Variants in NRXN1 observed in about 807,000 individuals in gnomAD.
NRXN1 encodes the protein neurexin 1.
A neutral mutation model predicts 150.9 loss-of-function variants in NRXN1; 39 were observed. That is an observed-to-expected ratio of 0.26 (90% confidence interval 0.20 to 0.34). The LOEUF (loss-of-function observed/expected upper bound fraction) is 0.34. NRXN1 is among the 10% of genes least tolerant of loss of function. NRXN1 has a pLI of 1.00. For synonymous variants in NRXN1, 924 were observed against 757.0 expected, an observed-to-expected ratio of 1.22 and a Z score of -3.62; for missense variants, 1,815 against 1,949.9, an observed-to-expected ratio of 0.93 and a Z score of 1.30.
chr2:50,376,240 G>GT (rs958842819), intron 17 of NRXN1, among the ~76,000 whole-genome samples: 19 of 152,046 alleles, frequency 1.2e-4, no homozygotes, highest in African/African-American at 4.6e-4. Flanking sequence ...TTCCTACCAT[G>GT]TAAGTCTGAA....
intron 19 of NRXN1, among the ~76,000 whole-genome samples, chr2:50,068,172 T>C (rs1190997317): frequency 6.7e-6 from 1 of 148,510 alleles, no homozygotes; most frequent in African/African-American, 2.6e-5. Flanking sequence ...GAATGCAAGA[T>C]TTTTTTTTCA....
intron 5 of NRXN1, among the ~76,000 whole-genome samples, chr2:50,628,992 G>A (rs1263748095): frequency 6.6e-6 from 1 of 151,676 alleles, no homozygotes; most frequent in Non-Finnish European, 1.5e-5. Flanking sequence ...AAAATCCAGT[G>A]TCAGTGAGGA....
intron 5 of NRXN1, among the ~76,000 whole-genome samples, chr2:50,645,287 A>C (rs745397743): frequency 6.6e-6 from 1 of 151,936 alleles, no homozygotes; most frequent in Non-Finnish European, 1.5e-5. Context: ...CACATCCCAG[A>C]AAATCAGTGT....
chr2:50,131,456 A>C (rs566593631), intron 18 of NRXN1, among the ~76,000 whole-genome samples: 10 of 152,142 alleles, frequency 6.6e-5, no homozygotes, highest in Non-Finnish European at 1.3e-4. Flanking sequence ...AACTAGTTAC[A>C]ATTTAGGAGG....
chr2:51,025,543 T>C (rs1383413312), intron 2 of NRXN1, among the ~76,000 whole-genome samples: 1 of 152,182 alleles, frequency 6.6e-6, no homozygotes, highest in Non-Finnish European at 1.5e-5. Context: ...TTTCCTAATT[T>C]AAGGAAGGAA....
chr2:50,231,045 T>A (rs545923154), intron 18 of NRXN1, among the ~76,000 whole-genome samples: 4 of 152,040 alleles, frequency 2.6e-5, no homozygotes, highest in African/African-American at 9.7e-5. Context: ...TACCTCGTGA[T>A]ACGGCAATAG....
chr2:50,836,896 C>T (rs1360681277), intron 5 of NRXN1, among the ~76,000 whole-genome samples: 1 of 144,618 alleles, frequency 6.9e-6, no homozygotes. Flanking sequence ...CAATAGAAAC[C>T]AATTGGTTTG....
At chr2:51,009,201 T>C (rs1309611578) in intron 2 of NRXN1, 1 of 151,892 alleles carries the variant, frequency 6.6e-6, no homozygotes, top group Non-Finnish European at 1.5e-5. Context: ...AAGCCTTTCA[T>C]CTCCATGCTT....
At chr2:50,171,826 G>A (rs1322829443) in intron 18 of NRXN1, among the ~76,000 whole-genome samples, 4 of 152,160 alleles carry the variant, frequency 2.6e-5, no homozygotes, top group Admixed American at 1.3e-4. Context: ...ACAAACAGGC[G>A]ACCACTGGTG....
chr2:49,999,810 C>A (rs1683606556), intron 21 of NRXN1, among the ~76,000 whole-genome samples: 1 of 152,046 alleles, frequency 6.6e-6, no homozygotes, highest in South Asian at 2.1e-4. Context: ...AACCTTATTT[C>A]AAGAAAGGGC....
rs756417391 is a variant in NRXN1, at chr2:50,497,692, A to G, written c.2520T>C (p.Thr840=). The G allele has an allele frequency of 5.0e-6, 8 of 1,611,174 alleles. No homozygotes were observed. The Admixed American group carries it at 5.0e-5, about 10-fold the overall frequency. Residue 840 remains threonine, a synonymous_variant, in exon 14 of 23, where the codon ACT becomes ACC. Transcript: ENST00000401669. ...AMTGQMAGDH[T]RLEFHNIETG... ...TCTCTATGTTATGGAACTCCAGCCT[A>G]GTATGATCACCTGCCATTTGACCTA...
intron 2 of NRXN1, among the ~76,000 whole-genome samples, chr2:50,928,316 T>C (rs1045907669): frequency 2.0e-5 from 3 of 152,010 alleles, no homozygotes; most frequent in African/African-American, 4.8e-5. Context: ...GGAGCAGACT[T>C]TCCTTGAGTT....
At chr2:50,115,025 T>C (rs1271207208) in intron 18 of NRXN1, among the ~76,000 whole-genome samples, 1 of 151,820 alleles carries the variant, frequency 6.6e-6, no homozygotes, top group Non-Finnish European at 1.5e-5. Context: ...GTGATAATGA[T>C]GCACCAATGT....
At chr2:50,943,753 A>T (rs543220752) in intron 2 of NRXN1, among the ~76,000 whole-genome samples, 2 of 151,782 alleles carry the variant, frequency 1.3e-5, no homozygotes, top group Non-Finnish European at 2.9e-5. Flanking sequence ...TCAGTCTTCC[A>T]CACAAAGGTA....
intron 5 of NRXN1, among the ~76,000 whole-genome samples, chr2:50,871,161 C>T (rs372800276): frequency 1.4e-4 from 22 of 151,844 alleles, no homozygotes; most frequent in African/African-American, 2.7e-4. Flanking sequence ...TAGAGATCTA[C>T]GGAATTTATC....
chr2:50,820,808 T>C (rs577312408), intron 5 of NRXN1, among the ~76,000 whole-genome samples: 35 of 152,250 alleles, frequency 2.3e-4, no homozygotes, highest in Non-Finnish European at 4.7e-4. Context: ...ACAGTGCCAA[T>C]TTCACTTGTC....
At chr2:50,970,694 C>T (rs1270143431) in intron 2 of NRXN1, among the ~76,000 whole-genome samples, 1 of 152,006 alleles carries the variant, frequency 6.6e-6, no homozygotes, top group East Asian at 1.9e-4. Context: ...GTTCACTACT[C>T]TTACAGATTT....
intron 2 of NRXN1, among the ~76,000 whole-genome samples, chr2:50,976,786 G>A (rs1261419441): frequency 6.6e-6 from 1 of 151,850 alleles, no homozygotes; most frequent in Non-Finnish European, 1.5e-5. Flanking sequence ...TCAAAATTGA[G>A]CATACCAAAA....
intron 21 of NRXN1, chr2:50,019,101 C>T (rs1687084717): frequency 3.2e-6 from 1 of 314,718 alleles, no homozygotes; most frequent in South Asian, 2.2e-5. Flanking sequence ...CCTTCCAAAA[C>T]ATTACCTCAT....
Sources: gnomAD v4.1 joint callset for allele counts (sites outside exome capture counted in the v4.1 genomes callset) on GRCh38, gnomAD v4.1.1 for gene constraint, MANE v1.5 for transcripts, NCBI Gene and HGNC (gene_info 2026-07-23, HGNC 2026-07-21) for gene names.